HNRNPH1: variants seen among roughly 807,000 people sequenced by gnomAD.
The protein encoded by HNRNPH1 is heterogeneous nuclear ribonucleoprotein H.
Under a neutral mutation model 58.6 loss-of-function variants are expected in HNRNPH1, and 4 were observed. The observed-to-expected ratio is 0.07, with a 90% CI of 0.03 to 0.16. The LOEUF is 0.16. Ranked by LOEUF, HNRNPH1 falls within the 10% of genes least tolerant of loss-of-function variation. HNRNPH1 has a pLI of 1.00. For synonymous variants in HNRNPH1, 192 were observed against 189.2 expected (o/e 1.01, Z -0.12); for missense variants, 271 against 564.2 (o/e 0.48, Z 5.26).
upstream of HNRNPH1, among the ~76,000 whole-genome samples, chr5:179,625,947 A>AT (rs1774354603): frequency 6.7e-6 from 1 of 150,076 alleles, no homozygotes; most frequent in South Asian, 2.1e-4. Context: ...TTATTTATTT[A>AT]TTTATTTATT....
At chr5:179,617,473 A>C (rs555775862) in intron 8 of HNRNPH1, 41 bp downstream of exon 9, 2 of 1,594,770 alleles carry the variant, frequency 1.3e-6, no homozygotes, top group South Asian at 2.3e-5. Flanking sequence ...TTAGTCACAC[A>C]ATCACCTGTT....
At chr5:179,621,911 G>GC (rs1404125767) in intron 1 of HNRNPH1, 2 of 455,918 alleles carry the variant, frequency 4.4e-6, no homozygotes, top group Non-Finnish European at 8.8e-6. Flanking sequence ...ACCCAGTGTT[G>GC]CCCCCTGCAA....
At chr5:179,620,538 A>G (rs957037519) in intron 3 of HNRNPH1, 6 of 196,156 alleles carry the variant, frequency 3.1e-5, no homozygotes, top group Non-Finnish European at 6.2e-5. Context: ...AATTTACAAC[A>G]ACCTAATTCA....
chr5:179,618,071 A>C lies in HNRNPH1; in HGVS notation c.716-11T>G, dbSNP rs1189907534. ...CATAGCCTCCATAGCCTGAAAGACA[A>C]AGTACAATCAATCAAATAAAACACC... On this transcript the variant is annotated splice_polypyrimidine_tract_variant and intron_variant, in intron 5 of 12. Transcript: ENST00000356731. The C allele has an allele frequency of 6.2e-7, 1 of 1,613,770 alleles. No homozygotes were observed.
Position 179,621,792 on chromosome 5 carries a change from A to T in HNRNPH1, c.98-395T>A, listed in dbSNP as rs184697488. On this transcript the variant is annotated intron_variant, in intron 1 of 12. Transcript: ENST00000356731. ...CATTTATCCGTTTTACCTTACCAGTAGCCACATTACGGTTTCTCATTCAAA... is the reference window on the plus strand; with the variant it reads ...CATTTATCCGTTTTACCTTACCAGTTGCCACATTACGGTTTCTCATTCAAA... The T allele has an allele frequency of 8.0e-6, 3 of 375,704 alleles. No homozygotes were observed. The East Asian group carries it at 2.2e-4, about 27-fold the overall frequency. The allele number at this position is 375,704 out of a possible 1,614,324, so 23.3% of individuals were successfully genotyped here.
chr5:179,623,204 A>C (rs977740181), exon 1 of HNRNPH1: 9 of 1,182,698 alleles, frequency 7.6e-6, no homozygotes, highest in Non-Finnish European at 1.1e-5. Context: ...GCGCCAATTA[A>C]GCTGTCCTTC....
chr5:179,616,629 G>C lies in HNRNPH1; in HGVS notation c.1207+240C>G, dbSNP rs1769852723. On this transcript the variant is annotated intron_variant, in intron 10 of 12. Transcript: ENST00000356731. The stretch of plus-strand genomic sequence containing the variant: ...TAAACTTTATACTTAGAAAATTTAA[G>C]TAGTTTCACTCCGTAGTCCCCTCCC... 1.8e-5 allele frequency: 10 copies of C among 544,612 alleles called. No homozygotes were observed. In the South Asian group the frequency reaches 2.5e-4, roughly 14 times the overall value. The allele number at this position is 544,612 out of a possible 1,614,324, so 33.7% of individuals were successfully genotyped here.
chr5:179,629,709 T>C (rs767006942), intron 2 of HNRNPH1, among the ~76,000 whole-genome samples: 2 of 152,246 alleles, frequency 1.3e-5, no homozygotes, highest in South Asian at 4.1e-4. Context: ...ATTATAATTA[T>C]ATTTTCATGG....
chr5:179,618,491 CAAT>C, intron 4 of HNRNPH1, 168 bp from the exon 6 acceptor site: 1 of 459,382 alleles, frequency 2.2e-6, no homozygotes, highest in East Asian at 3.4e-5. Context: ...GAAATTCACT[CAAT>C]AAATAGTAAG....
At position 179,631,088 on chromosome 5, in the gene HNRNPH1, GAATA is replaced by G. The variant is rs555991903; in HGVS notation, c.-32+2973_-32+2976del. Among the ~76,000 whole-genome samples, 32 of 152,116 alleles carry G rather than the reference GAATA, an allele frequency of 2.1e-4. No individual in the cohort carries two copies. The South Asian group carries it at 6.4e-3, about 31-fold the overall frequency. Reference sequence around the variant, plus strand: ...ACAATTTAATGTCTAATGAAGTATGGAATAAATTCTGGTATGAATGCATGGGGGT... The same window carrying G: ...ACAATTTAATGTCTAATGAAGTATGGAATTCTGGTATGAATGCATGGGGGT... On this transcript the variant is annotated intron_variant, in intron 2 of 4. Transcript: ENST00000521116.
chr5:179,624,142 C>G, exon 1 of HNRNPH1: 1 of 183,808 alleles, frequency 5.4e-6, no homozygotes, highest in Non-Finnish European at 1.1e-5. Flanking sequence ...GGCCTTCAGG[C>G]GTTCCCACTC....
intron 1 of HNRNPH1, 97 bp from the exon 3 acceptor site, chr5:179,621,494 A>G (rs1772286787): frequency 1.9e-6 from 2 of 1,052,400 alleles, no homozygotes; most frequent in South Asian, 1.5e-5. Context: ...ACTACAAATT[A>G]CATAACTTGT....
upstream of HNRNPH1, among the ~76,000 whole-genome samples, chr5:179,627,562 T>G (rs527485691): frequency 1.4e-3 from 206 of 151,800 alleles, no homozygotes; most frequent in African/African-American, 4.8e-3. Context: ...AGTGCAGGTA[T>G]GTGATCTCGG....
At chr5:179,632,145 A>AT (rs1774887851) in intron 2 of HNRNPH1, among the ~76,000 whole-genome samples, 1 of 152,030 alleles carries the variant, frequency 6.6e-6, no homozygotes, top group Non-Finnish European at 1.5e-5. Flanking sequence ...TCTCTACTAA[A>AT]AATACAAAAA....
chr5:179,617,991 C>G, exon 6 of HNRNPH1: 1 of 1,614,084 alleles, frequency 6.2e-7, no homozygotes, highest in Non-Finnish European at 8.5e-7. Context: ...TACCTTACCT[C>G]TTCCAAATCT....
chr5:179,621,234 A>G lies in HNRNPH1; in HGVS notation c.253+8T>C. On this transcript the variant is annotated splice_region_variant and intron_variant, in intron 2 of 12. Transcript: ENST00000356731. ...TATTTACTGTAACTAGGGCAATGTA[A>G]ATCAAACCTTCAACATATCTGTGTC... 1 of 1,612,670 alleles carries G rather than the reference A, an allele frequency of 6.2e-7. No individual in the cohort carries two copies. The highest frequency in any genetic ancestry group is 1.1e-5 in the South Asian group (1 of 91,034).
At chr5:179,632,172 GT>G (rs1562373583) in intron 2 of HNRNPH1, among the ~76,000 whole-genome samples, 2 of 152,252 alleles carry the variant, frequency 1.3e-5, no homozygotes, top group East Asian at 3.9e-4. Context: ...TCCGGGCGTG[GT>G]GGCGGGTGCC....
At chr5:179,619,593 A>G (rs1409658143) in intron 3 of HNRNPH1, 186 bp from the exon 5 acceptor site, 3 of 517,728 alleles carry the variant, frequency 5.8e-6, no homozygotes, top group Non-Finnish European at 1.0e-5. Flanking sequence ...AAGTATAACT[A>G]TTCTTAACAC....
upstream of HNRNPH1, among the ~76,000 whole-genome samples, chr5:179,626,148 G>T (rs1354864119): frequency 6.6e-6 from 1 of 151,940 alleles, no homozygotes; most frequent in East Asian, 1.9e-4. Context: ...CTGTCACCCA[G>T]GCTGGAGTAC....
Sources: gnomAD v4.1 joint callset for allele counts (sites outside exome capture counted in the v4.1 genomes callset) on GRCh38, gnomAD v4.1.1 for gene constraint, MANE v1.5 for transcripts, NCBI Gene and HGNC (gene_info 2026-07-23, HGNC 2026-07-21) for gene names.